Variants in AKT3 observed in about 807,000 individuals in gnomAD.
AKT3 encodes the protein AKT serine/threonine kinase 3, also known as RAC-gamma serine/threonine-protein kinase.
A neutral mutation model predicts 65.3 loss-of-function variants in AKT3; 15 were observed. The observed-to-expected ratio is 0.23, with a 90% CI of 0.15 to 0.35. The LOEUF (loss-of-function observed/expected upper bound fraction) is 0.35. AKT3 is among the 10% of genes least tolerant of loss of function. AKT3 has a pLI of 1.00. For synonymous variants in AKT3, 206 were observed against 183.8 expected, an observed-to-expected ratio of 1.12 and a Z score of -0.98; for missense variants, 243 against 576.5, an observed-to-expected ratio of 0.42 and a Z score of 5.92.
chr1:243,588,620 C>T (rs1050543099), intron 8 of AKT3, among the ~76,000 whole-genome samples: 1 of 152,050 alleles, frequency 6.6e-6, no homozygotes, highest in African/African-American at 2.4e-5. Context: ...GACAAGGGTA[C>T]TGAAAATACA....
rs143287659 is a variant in AKT3 at position 243,529,272 on chromosome 1, A to G, written c.1251+16238T>C. Among the ~76,000 whole-genome samples the G allele has an allele frequency of 8.2e-3, 1,247 of 151,524 alleles. 11 individuals carry two copies. The highest frequency in any genetic ancestry group is 0.014 in the Middle Eastern group (4 of 290). ...GCAGAGGTCTGTTTACTCTGCTGAT[A>G]GTCTCTTTTGCTGTGCAGAAGCTCT... is the stretch of plus-strand genomic sequence containing the variant. On this transcript the variant is annotated intron_variant, in intron 12 of 13. Transcript: ENST00000673466.
chr1:243,683,282 CTTATTTCCTTCTT>C lies in AKT3; in HGVS notation c.172+12296_172+12308del, dbSNP rs1170950624. 4.6e-5 allele frequency among the ~76,000 whole-genome samples: 7 copies of C among 152,200 alleles called. No homozygotes were observed. The East Asian group carries it at 1.2e-3, about 25-fold the overall frequency. On this transcript the variant is annotated intron_variant, in intron 3 of 13. Transcript: ENST00000673466. ...TAACGCTCAAAGAAAGGTTGGTTTCCTTATTTCCTTCTTTTTTCCCCTCAGTACCTGGTACAAT... is the reference window on the plus strand; with the variant it reads ...TAACGCTCAAAGAAAGGTTGGTTTCCTTTTCCCCTCAGTACCTGGTACAAT...
chr1:243,744,793 T>G lies in AKT3; in HGVS notation c.47-49077A>C, dbSNP rs553030083. ...ACATAACAGAAATAGACTCTCTTGA[T>G]TGATCACATTTTACACCACCAACTA... On this transcript the variant is annotated intron_variant, in intron 2 of 13. Coordinates refer to ENST00000673466, the MANE Select transcript of AKT3 (RefSeq NM_005465.7). Among the ~76,000 whole-genome samples the G allele has an allele frequency of 7.2e-5, 11 of 151,942 alleles. No individual in the cohort carries two copies. The South Asian group carries it at 1.2e-3, about 17-fold the overall frequency.
intron 2 of AKT3, among the ~76,000 whole-genome samples, chr1:243,772,420 A>T (rs975171012): frequency 6.6e-6 from 1 of 152,240 alleles, no homozygotes; most frequent in Non-Finnish European, 1.5e-5. Context: ...TACGCAGCCA[A>T]AAGACATATG....
intron 2 of AKT3, among the ~76,000 whole-genome samples, chr1:243,779,017 A>G (rs1397126505): frequency 6.6e-6 from 1 of 151,904 alleles, no homozygotes; most frequent in African/African-American, 2.4e-5. Context: ...TACTTAGCCA[A>G]TTTCCTATTA....
intron 2 of AKT3, among the ~76,000 whole-genome samples, chr1:243,768,852 A>C (rs994754789): frequency 1.3e-4 from 20 of 150,722 alleles, no homozygotes; most frequent in Non-Finnish European, 2.5e-4. Flanking sequence ...AAAAAAAGAG[A>C]GCGATAGTTC....
At chr1:243,662,894 A>T (rs1249256844) in intron 4 of AKT3, among the ~76,000 whole-genome samples, 1 of 152,180 alleles carries the variant, frequency 6.6e-6, no homozygotes, top group Non-Finnish European at 1.5e-5. Context: ...ATTGTTCAGA[A>T]GAGTAGTATA....
intron 12 of AKT3, among the ~76,000 whole-genome samples, chr1:243,512,869 T>C (rs1319423201): frequency 6.6e-6 from 1 of 152,094 alleles, no homozygotes; most frequent in Non-Finnish European, 1.5e-5. Context: ...CAGATGAGAG[T>C]GCTGCCTTTG....
At chr1:243,829,254 A>G (rs1014957827) in intron 2 of AKT3, among the ~76,000 whole-genome samples, 2 of 152,162 alleles carry the variant, frequency 1.3e-5, no homozygotes, top group African/African-American at 4.8e-5. Context: ...GATACCCTAT[A>G]TATTTACTGC....
At chr1:243,673,677 G>C (rs1027099196) in intron 3 of AKT3, among the ~76,000 whole-genome samples, 4 of 146,390 alleles carry the variant, frequency 2.7e-5, no homozygotes, top group Non-Finnish European at 6.0e-5. Flanking sequence ...GCAGTGGCGC[G>C]ATCTCGGCTC....
Position 243,500,849 on chromosome 1 carries a change from ACTT to A in AKT3, c.*4397_*4399del, listed in dbSNP as rs1057165113. On this transcript the variant is annotated 3_prime_UTR_variant, in exon 14 of 14. Transcript: ENST00000673466. The stretch of plus-strand genomic sequence containing the variant: ...AAAGGTTCAAGCCTGAAACAGTAGA[ACTT>A]CTATTCAGATTCAGAAGTTTTTTAT... The A allele has an allele frequency of 6.6e-4, 151 of 229,232 alleles. 1 individual carries two copies. The highest frequency in any genetic ancestry group is 3.2e-3 in the African/African-American group (145 of 45,236). 14.2% of individuals were successfully genotyped at this position (229,232 alleles called of 1,614,324 possible). A position where few individuals can be genotyped will look rare whatever the true frequency, so the allele number is the denominator to read the frequency against.
chr1:243,574,080 T>C (rs1674760257), intron 8 of AKT3, among the ~76,000 whole-genome samples: 2 of 152,148 alleles, frequency 1.3e-5, no homozygotes, highest in Non-Finnish European at 2.9e-5. Context: ...AATCAGCCAA[T>C]GTACCCTTGA....
chr1:243,747,922 T>C (rs532101068), intron 2 of AKT3, among the ~76,000 whole-genome samples: 2 of 152,278 alleles, frequency 1.3e-5, no homozygotes, highest in South Asian at 4.1e-4. Context: ...CACTGAAATA[T>C]ACCTAGGCAT....
chr1:243,610,084 C>T (rs981772753), intron 8 of AKT3, among the ~76,000 whole-genome samples: 1 of 152,178 alleles, frequency 6.6e-6, no homozygotes, highest in African/African-American at 2.4e-5. Context: ...TACCAGAGTG[C>T]CTTCCACAAA....
intron 2 of AKT3, among the ~76,000 whole-genome samples, chr1:243,804,902 C>T (rs1164290121): frequency 1.3e-5 from 2 of 151,714 alleles, no homozygotes; most frequent in African/African-American, 2.4e-5. Context: ...AGTCATCATG[C>T]TGTACAATAA....
intron 2 of AKT3, among the ~76,000 whole-genome samples, chr1:243,710,136 A>G (rs1686054796): frequency 6.6e-6 from 1 of 152,176 alleles, no homozygotes; most frequent in African/African-American, 2.4e-5. Context: ...ATGAGGCACA[A>G]TTCAAATATA....
intron 2 of AKT3, among the ~76,000 whole-genome samples, chr1:243,731,085 C>T (rs963066831): frequency 5.3e-5 from 8 of 152,214 alleles, no homozygotes; most frequent in Admixed American, 1.3e-4. Flanking sequence ...AGGGGCGCCA[C>T]AGGCCACAAT....
chr1:243,570,498 T>C lies in AKT3; in HGVS notation c.819+2428A>G, dbSNP rs1031760096. 8.0e-4 allele frequency among the ~76,000 whole-genome samples: 122 copies of C among 152,298 alleles called. 1 individual carries two copies. The highest frequency in any genetic ancestry group is 6.8e-3 in the Middle Eastern group (2 of 294). On this transcript the variant is annotated intron_variant, in intron 9 of 13. Coordinates refer to ENST00000673466, the MANE Select transcript of AKT3 (RefSeq NM_005465.7). The stretch of plus-strand genomic sequence containing the variant: ...TTCATTTCAACTCTAGAAGTCAGAA[T>C]GATATAGTGACAAGAACATTCAATA...
At chr1:243,582,757 C>T (rs1675472500) in intron 8 of AKT3, among the ~76,000 whole-genome samples, 1 of 152,024 alleles carries the variant, frequency 6.6e-6, no homozygotes, top group African/African-American at 2.4e-5. Flanking sequence ...CATCACATAA[C>T]AGTATTAGCT....
Sources: allele counts gnomAD v4.1 joint callset (sites outside exome capture counted in the v4.1 genomes callset), GRCh38; gene constraint gnomAD v4.1.1; transcripts MANE v1.5; gene names NCBI Gene and HGNC (gene_info 2026-07-23, HGNC 2026-07-21).